FAM91A1: variants seen among roughly 807,000 people sequenced by gnomAD.
FAM91A1 encodes the protein protein FAM91A1.
Under a neutral mutation model 113.5 loss-of-function variants are expected in FAM91A1, and 41 were observed. That is an observed-to-expected ratio of 0.36 (90% CI 0.28 to 0.47). The LOEUF is 0.47. FAM91A1 is among the 20% of genes least tolerant of loss of function. The probability of loss-of-function intolerance (pLI) is 1.00; values close to 1 mark genes in which losing one functional copy is unlikely to be tolerated. For synonymous variants in FAM91A1, 307 were observed against 347.9 expected, an observed-to-expected ratio of 0.88 and a Z score of 1.31; for missense variants, 696 against 1,001.2, an observed-to-expected ratio of 0.70 and a Z score of 4.11.
rs1814772614 is a variant in FAM91A1 at position 123,768,881 on chromosome 8, T to G, written c.72+107T>G. On this transcript the variant is annotated intron_variant, in intron 1 of 23. Transcript: ENST00000334705. Reference sequence around the variant, plus strand: ...AGCGGGCTGCTGCCGGCTGACTCCCTTCCTTTACTCCTCCGTGGTCTTGGG... The same window carrying G: ...AGCGGGCTGCTGCCGGCTGACTCCCGTCCTTTACTCCTCCGTGGTCTTGGG... 4 of 1,118,580 alleles carry G rather than the reference T, an allele frequency of 3.6e-6. No individual in the cohort carries two copies. In the Admixed American group the frequency reaches 8.2e-5, roughly 23 times the overall value. 69.3% of individuals were successfully genotyped at this position (1,118,580 alleles called of 1,614,324 possible).
At chr8:123,800,671 C>G (rs1215703299) in intron 18 of FAM91A1, among the ~76,000 whole-genome samples, 1 of 152,132 alleles carries the variant, frequency 6.6e-6, no homozygotes, top group Non-Finnish European at 1.5e-5. Context: ...TCTATTTTCT[C>G]CCCGCTACTC....
Position 123,812,765 on chromosome 8 carries a change from A to G in FAM91A1, c.*61A>G. ...TTTTTTCTTTCTTAACGTTAGCTTT[A>G]TAGTGTCAGCCACTAAAAAGCATCC... On this transcript the variant is annotated 3_prime_UTR_variant, in exon 24 of 24. Transcript: ENST00000334705. 1 of 1,355,524 alleles carries G rather than the reference A, an allele frequency of 7.4e-7. No individual in the cohort carries two copies. Among genetic ancestry groups the G allele is most frequent in the Non-Finnish European group, 9.8e-7 (1 of 1,019,296 alleles). 84.0% of individuals were successfully genotyped at this position (1,355,524 alleles called of 1,614,324 possible). A position where few individuals can be genotyped will look rare whatever the true frequency, so the allele number is the denominator to read the frequency against.
intron 18 of FAM91A1, among the ~76,000 whole-genome samples, chr8:123,800,402 A>G (rs938546077): frequency 6.6e-6 from 1 of 152,122 alleles, no homozygotes; most frequent in Non-Finnish European, 1.5e-5. Flanking sequence ...CTCTCAAAAT[A>G]CCTCGTTATA....
At chr8:123,791,722 A>G (rs7827025) in intron 15 of FAM91A1, among the ~76,000 whole-genome samples, 42,723 of 152,068 alleles carry the variant, frequency 0.28, 7,842 homozygotes, top group African/African-American at 0.51. Context: ...CAGTTTTTCT[A>G]ATGATGGTGC....
At chr8:123,778,591 A>G in intron 5 of FAM91A1, 68 bp from the exon 6 acceptor site, 1 of 1,052,276 alleles carries the variant, frequency 9.5e-7, no homozygotes, top group African/African-American at 1.6e-5. Flanking sequence ...CAATCTTATG[A>G]TATGATTGAT....
intron 13 of FAM91A1, 61 bp from the exon 14 acceptor site, chr8:123,787,603 A>G (rs1046939693): frequency 9.9e-6 from 13 of 1,308,870 alleles, no homozygotes; most frequent in Non-Finnish European, 1.4e-5. Context: ...TAAATATTTG[A>G]TAGTATGCTT....
In FAM91A1 at chr8:123,808,613, T is replaced by G; in HGVS notation, c.2137+237T>G. Reference sequence around the variant, plus strand: ...TTGATTCATTCTCTCATCTTACAGATATCTTGCAATACTCTTTTTTGGGCA... The same window carrying G: ...TTGATTCATTCTCTCATCTTACAGAGATCTTGCAATACTCTTTTTTGGGCA... On this transcript the variant is annotated intron_variant, in intron 21 of 23. Coordinates refer to ENST00000334705, the MANE Select transcript of FAM91A1 (RefSeq NM_144963.4). 4 of 506,216 alleles carry G rather than the reference T, an allele frequency of 7.9e-6. No homozygotes were observed. The South Asian group carries it at 1.2e-4, about 15-fold the overall frequency. The allele number at this position is 506,216 out of a possible 1,614,324, so 31.4% of individuals were successfully genotyped here.
At chr8:123,795,929 TGGCTATACAGCAGAAG>T (rs1258750463) in intron 15 of FAM91A1, among the ~76,000 whole-genome samples, 4 of 152,210 alleles carry the variant, frequency 2.6e-5, no homozygotes, top group Non-Finnish European at 2.9e-5. Flanking sequence ...GCCAGTCTTT[TGGCTATACAGCAGAAG>T]GGCCTGGGCA....
At chr8:123,808,797 A>G (rs2130162619) in intron 21 of FAM91A1, 96 bp from the exon 22 acceptor site, 2 of 1,230,566 alleles carry the variant, frequency 1.6e-6, no homozygotes, top group South Asian at 1.8e-5. Context: ...GGAGGAATCT[A>G]TGAACTTCAG....
intron 18 of FAM91A1, 31 bp downstream of exon 18, chr8:123,799,916 T>C (rs772594921): frequency 1.3e-6 from 2 of 1,528,952 alleles, no homozygotes; most frequent in Non-Finnish European, 1.8e-6. Context: ...ATTTTGTCTT[T>C]TTATTATAAA....
intron 15 of FAM91A1, among the ~76,000 whole-genome samples, chr8:123,797,800 G>T (rs1246928454): frequency 6.6e-6 from 1 of 152,194 alleles, no homozygotes; most frequent in Non-Finnish European, 1.5e-5. Context: ...CACTGTTGTA[G>T]AGTGGCTCTG....
intron 18 of FAM91A1, among the ~76,000 whole-genome samples, chr8:123,803,204 G>A (rs1466549326): frequency 6.6e-6 from 1 of 150,714 alleles, no homozygotes; most frequent in African/African-American, 2.4e-5. Context: ...GGTCTTTTCT[G>A]TAGGTGGTAC....
At chr8:123,798,887 A>G (rs1408335829) in intron 16 of FAM91A1, among the ~76,000 whole-genome samples, 1 of 152,202 alleles carries the variant, frequency 6.6e-6, no homozygotes, top group Non-Finnish European at 1.5e-5. Flanking sequence ...CTCAGTGAGC[A>G]TCCTGTCTTC....
At chr8:123,780,151 T>C in intron 7 of FAM91A1, 76 bp downstream of exon 7, 1 of 1,232,596 alleles carries the variant, frequency 8.1e-7, no homozygotes, top group Non-Finnish European at 1.2e-6. Context: ...TAGCAATTAC[T>C]TATCAAGTAG....
At chr8:123,776,719 C>T (rs71516719) in intron 3 of FAM91A1, among the ~76,000 whole-genome samples, 6 of 152,148 alleles carry the variant, frequency 3.9e-5, no homozygotes, top group African/African-American at 7.2e-5. Flanking sequence ...TATAGTTCCT[C>T]GGTAGAAAAC....
At position 123,797,977 on chromosome 8, in the gene FAM91A1, T is replaced by C; in HGVS notation, c.1412-113T>C. 4.7e-6 allele frequency: 6 copies of C among 1,268,688 alleles called. No homozygotes were observed. The South Asian group carries it at 9.0e-5, about 19-fold the overall frequency. The allele number at this position is 1,268,688 out of a possible 1,614,324, so 78.6% of individuals were successfully genotyped here. On this transcript the variant is annotated intron_variant, in intron 15 of 23. Transcript: ENST00000334705. ...TTGGTACTTCTTAATAGAGTTACTT[T>C]ACCTTAAAAAGAAAATTTAAAATCT...
chr8:123,796,839 A>G (rs1815533338), intron 15 of FAM91A1, among the ~76,000 whole-genome samples: 8 of 150,658 alleles, frequency 5.3e-5, no homozygotes, highest in Admixed American at 1.3e-4. Context: ...CGAGGTGGGC[A>G]GATAACGAGG....
intron 2 of FAM91A1, 91 bp from the exon 3 acceptor site, chr8:123,775,056 T>C (rs769269901): frequency 2.7e-5 from 34 of 1,245,528 alleles, no homozygotes; most frequent in Non-Finnish European, 3.5e-5. Flanking sequence ...TACTTTTCTT[T>C]TAAATTACTG....
intron 4 of FAM91A1, 116 bp downstream of exon 4, chr8:123,777,438 A>G: frequency 1.1e-6 from 1 of 878,278 alleles, no homozygotes; most frequent in Non-Finnish European, 1.8e-6. Context: ...AAATGAGAAC[A>G]GTAAGCAACA....
Sources: allele counts gnomAD v4.1 joint callset (sites outside exome capture counted in the v4.1 genomes callset), GRCh38; gene constraint gnomAD v4.1.1; transcripts MANE v1.5; gene names NCBI Gene and HGNC (gene_info 2026-07-23, HGNC 2026-07-21).